The following DOCK8 variants were observed in gnomAD, a reference collection of about 807,000 sequenced individuals.
DOCK8 encodes the protein dedicator of cytokinesis protein 8.
DOCK8 carries 141 observed loss-of-function variants against 245.6 expected under a neutral mutation model. The observed-to-expected ratio is 0.57, with a 90% CI of 0.50 to 0.66. DOCK8 has a LOEUF of 0.66. Ranked by LOEUF, DOCK8 falls within the 30% of genes least tolerant of loss-of-function variation. DOCK8 has a pLI of 0.00. For synonymous variants in DOCK8, 1,168 were observed against 970.2 expected, an observed-to-expected ratio of 1.20 and a Z score of -3.79; for missense variants, 2,965 against 2,603.4, an observed-to-expected ratio of 1.14 and a Z score of -3.02.
chr9:431,418 A>G (rs898252560), intron 36 of DOCK8, among the ~76,000 whole-genome samples: 11 of 152,180 alleles, frequency 7.2e-5, no homozygotes, highest in African/African-American at 2.7e-4. Context: ...TGAGGTAGCC[A>G]TGTTTTTCCA....
chr9:363,536 G>A (rs562853806), intron 14 of DOCK8, among the ~76,000 whole-genome samples: 2 of 152,292 alleles, frequency 1.3e-5, no homozygotes, highest in South Asian at 4.1e-4. Flanking sequence ...AAAACATGCA[G>A]ATTTAACAAA....
chr9:229,067 A>G (rs1315073072), intron 1 of DOCK8, among the ~76,000 whole-genome samples: 3 of 152,168 alleles, frequency 2.0e-5, no homozygotes, highest in East Asian at 1.9e-4. Flanking sequence ...GAACTCTCCA[A>G]CGTCACTTCC....
intron 8 of DOCK8, 26 bp downstream of exon 8, chr9:325,763 C>T (rs751350720): frequency 3.2e-6 from 5 of 1,580,680 alleles, no homozygotes; most frequent in Non-Finnish European, 4.3e-6. Context: ...AAAATCCATC[C>T]CTAAGGCACA....
chr9:248,241 C>T (rs16922826), intron 1 of DOCK8, among the ~76,000 whole-genome samples: 10,831 of 152,290 alleles, frequency 0.071, 432 homozygotes, highest in African/African-American at 0.11. Flanking sequence ...CCTGTTTCTC[C>T]CTATAGTCTC....
intron 14 of DOCK8, among the ~76,000 whole-genome samples, chr9:344,918 G>C (rs1411370673): frequency 6.6e-6 from 1 of 152,134 alleles, no homozygotes; most frequent in Non-Finnish European, 1.5e-5. Flanking sequence ...TGGGCGTGGT[G>C]GTGGGTGCCT....
At chr9:365,721 T>G in intron 14 of DOCK8, 1 of 437,876 alleles carries the variant, frequency 2.3e-6, no homozygotes, top group Non-Finnish European at 4.5e-6. Context: ...AAAGCTGGAT[T>G]CAAATCTCAG....
chr9:297,589 G>C (rs1048167075), intron 4 of DOCK8, among the ~76,000 whole-genome samples: 3 of 152,146 alleles, frequency 2.0e-5, no homozygotes, highest in Admixed American at 6.5e-5. Context: ...TTGCCAGGGT[G>C]GGGTAATGAA....
intron 12 of DOCK8, among the ~76,000 whole-genome samples, chr9:338,119 ACT>A (rs1201193763): frequency 1.3e-5 from 2 of 151,692 alleles, no homozygotes; most frequent in Non-Finnish European, 2.9e-5. Flanking sequence ...GCCCCACTGC[ACT>A]CCAGCCTGGG....
intron 23 of DOCK8, 147 bp from the exon 24 acceptor site, chr9:390,324 C>G (rs2054133933): frequency 4.0e-6 from 3 of 748,106 alleles, no homozygotes; most frequent in Non-Finnish European, 6.9e-6. Context: ...ACTTTGCCAT[C>G]CACCACTTAC....
intron 22 of DOCK8, among the ~76,000 whole-genome samples, chr9:383,118 A>G (rs2053794617): frequency 1.3e-5 from 2 of 152,236 alleles, no homozygotes; most frequent in Non-Finnish European, 1.5e-5. Context: ...CCAAAGGAAC[A>G]GCCGGGCATG....
chr9:217,439 A>C (rs1183085219), intron 1 of DOCK8, among the ~76,000 whole-genome samples: 1 of 152,196 alleles, frequency 6.6e-6, no homozygotes, highest in Non-Finnish European at 1.5e-5. Flanking sequence ...TGAGAACCCA[A>C]AACACATTCA....
chr9:356,559 T>A (rs2052458331), intron 14 of DOCK8, among the ~76,000 whole-genome samples: 1 of 151,726 alleles, frequency 6.6e-6, no homozygotes, highest in East Asian at 1.9e-4. Flanking sequence ...AAAATTTGGT[T>A]TGGGTCCCTT....
At chr9:442,385 C>A (rs1194006066) in intron 42 of DOCK8, among the ~76,000 whole-genome samples, 1 of 152,174 alleles carries the variant, frequency 6.6e-6, no homozygotes, top group East Asian at 1.9e-4. Context: ...TGAAGTTTAG[C>A]ATCTTGACTT....
chr9:291,042 T>G (rs1748834119), intron 4 of DOCK8, among the ~76,000 whole-genome samples: 1 of 152,168 alleles, frequency 6.6e-6, no homozygotes, highest in African/African-American at 2.4e-5. Context: ...TCAGATAAAA[T>G]TATGGTTTGC....
chr9:298,957 CTGTT>C (rs992485816), intron 4 of DOCK8, among the ~76,000 whole-genome samples: 2 of 149,422 alleles, frequency 1.3e-5, no homozygotes, highest in African/African-American at 4.9e-5. Flanking sequence ...TTTTAATTAA[CTGTT>C]TGTTTCAATG....
At position 382,607 on chromosome 9, in the gene DOCK8, G is replaced by A; in HGVS notation, c.2700G>A (p.Val900=). The A allele has an allele frequency of 1.2e-6, 2 of 1,614,186 alleles. No homozygotes were observed. Among genetic ancestry groups the A allele is most frequent in the African/African-American group, 1.3e-5 (1 of 75,038 alleles). The change falls in exon 22 of 48, where the codon GTG becomes GTA. Residue 900 remains valine, a synonymous_variant. Coordinates refer to ENST00000432829, the MANE Select transcript of DOCK8 (RefSeq NM_203447.4). The part of the protein sequence containing the change: ...AVSSKLLQAR[V]MSSSNPDLAG... ...GTTCAAAGCTGCTGCAGGCCCGGGT[G>A]ATGAGCAGCAGTAACCCAGACCTCG...
At chr9:334,437 C>T (rs2051210451) in intron 11 of DOCK8, 53 bp downstream of exon 11, 4 of 1,586,088 alleles carry the variant, frequency 2.5e-6, no homozygotes, top group Non-Finnish European at 3.4e-6. Context: ...GTGCGCTGCC[C>T]AGGTCCACAG....
At chr9:350,495 G>A (rs899654850) in intron 14 of DOCK8, among the ~76,000 whole-genome samples, 2 of 152,150 alleles carry the variant, frequency 1.3e-5, no homozygotes, top group South Asian at 2.1e-4. Context: ...TCCAGGACAC[G>A]TTCATGCCAC....
chr9:334,505 A>G lies in DOCK8; in HGVS notation c.1285+121A>G, dbSNP rs1226204649. 3.7e-6 allele frequency: 4 copies of G among 1,067,866 alleles called. No individual in the cohort carries two copies. In the East Asian group the frequency reaches 7.2e-5, roughly 19 times the overall value. 66.1% of individuals were successfully genotyped at this position (1,067,866 alleles called of 1,614,324 possible). The stretch of plus-strand genomic sequence containing the variant: ...GTGGGAAGTGGGGAGGCAGAAGGAG[A>G]TAAATAGAATGAAACACTGTTATGA... On this transcript the variant is annotated intron_variant, in intron 11 of 47. Transcript: ENST00000432829.
Sources: allele counts gnomAD v4.1 joint callset (sites outside exome capture counted in the v4.1 genomes callset), GRCh38; gene constraint gnomAD v4.1.1; transcripts MANE v1.5; gene names NCBI Gene and HGNC (gene_info 2026-07-23, HGNC 2026-07-21).